SPON1: variants seen among roughly 807,000 people sequenced by gnomAD.
The protein encoded by SPON1 is spondin 1.
In SPON1, 52 loss-of-function variants were observed where a neutral mutation model predicts 111.7. That is an observed-to-expected ratio of 0.47 (90% CI 0.37 to 0.59). The LOEUF (loss-of-function observed/expected upper bound fraction) is 0.59. Among genes scored for constraint, SPON1 ranks in the 20% least tolerant of loss-of-function variants. The pLI is 0.00. For synonymous variants in SPON1, 410 were observed against 395.8 expected (o/e 1.04, Z -0.43); for missense variants, 957 against 1,068.5 (o/e 0.90, Z 1.46).
intron 6 of SPON1, among the ~76,000 whole-genome samples, chr11:14,174,354 A>G (rs1209712711): frequency 1.3e-5 from 2 of 152,234 alleles, no homozygotes; most frequent in Non-Finnish European, 2.9e-5. Context: ...CTAAGAGTCA[A>G]GTATCCCTCC....
At chr11:14,256,724 C>T in intron 10 of SPON1, 32 bp downstream of exon 10, 1 of 1,530,650 alleles carries the variant, frequency 6.5e-7, no homozygotes, top group African/African-American at 1.4e-5. Context: ...CAGGTGGCAA[C>T]ATAAATTGAC....
chr11:14,073,753 A>G (rs1447223259), intron 3 of SPON1, among the ~76,000 whole-genome samples: 1 of 152,168 alleles, frequency 6.6e-6, no homozygotes, highest in Admixed American at 6.5e-5. Context: ...CTATGCTGTA[A>G]ACTTTGAGAA....
At chr11:14,154,740 C>A (rs1489596558) in intron 6 of SPON1, among the ~76,000 whole-genome samples, 1 of 152,182 alleles carries the variant, frequency 6.6e-6, no homozygotes, top group Non-Finnish European at 1.5e-5. Flanking sequence ...CATGGCCAGG[C>A]TGCAAGTTTT....
intron 6 of SPON1, among the ~76,000 whole-genome samples, chr11:14,222,802 A>G (rs181112567): frequency 2.0e-3 from 300 of 152,328 alleles, no homozygotes; most frequent in Non-Finnish European, 2.2e-3. Context: ...GCCAGTTTCC[A>G]TGGTGTAAAT....
chr11:14,113,568 A>ATTTTTT lies in SPON1; in HGVS notation c.677-21805_677-21800dup, dbSNP rs782780924. ...AAGTCACCTCCTATGTACTTTTTAA[A>ATTTTTT]TTTTTTTTTTTTTTTTTTTTTTTTT... On this transcript the variant is annotated intron_variant, in intron 5 of 15. Coordinates refer to ENST00000576479, the MANE Select transcript of SPON1 (RefSeq NM_006108.4). 4.1e-4 allele frequency among the ~76,000 whole-genome samples: 31 copies of ATTTTTT among 74,728 alleles called. 1 individual carries two copies. Among genetic ancestry groups the ATTTTTT allele is most frequent in the South Asian group, 9.1e-4 (2 of 2,190 alleles). The allele number at this position is 74,728 out of a possible 152,430, so 49.0% of individuals were successfully genotyped here.
chr11:14,182,926 C>G (rs1462988263), intron 6 of SPON1, among the ~76,000 whole-genome samples: 1 of 152,142 alleles, frequency 6.6e-6, no homozygotes, highest in Non-Finnish European at 1.5e-5. Flanking sequence ...TGTTGAGAGA[C>G]CAGCAATTAG....
intron 6 of SPON1, among the ~76,000 whole-genome samples, chr11:14,161,239 A>ATATATATCTATATATTTATATATT: frequency 9.6e-6 from 1 of 104,292 alleles, no homozygotes; most frequent in South Asian, 3.0e-4. Flanking sequence ...TTATATATTT[A>ATATATATCTATATATTTATATATT]TATATCTATA....
intron 3 of SPON1, among the ~76,000 whole-genome samples, chr11:14,049,949 T>C (rs1848696113): frequency 6.6e-6 from 1 of 152,150 alleles, no homozygotes; most frequent in South Asian, 2.1e-4. Flanking sequence ...TGGCCTCAGG[T>C]CTATCAGAGA....
chr11:14,057,844 C>CAAAAAAAAAAAAA (rs1277903384), intron 3 of SPON1, among the ~76,000 whole-genome samples: 5 of 125,456 alleles, frequency 4.0e-5, no homozygotes, highest in Non-Finnish European at 5.0e-5. Flanking sequence ...AAAAAAAAAA[C>CAAAAAAAAAAAAA]AAAACAAAAA....
At chr11:14,042,036 C>G (rs537949775) in intron 3 of SPON1, among the ~76,000 whole-genome samples, 21 of 152,140 alleles carry the variant, frequency 1.4e-4, no homozygotes, top group African/African-American at 4.8e-4. Context: ...TAGGCTGCCC[C>G]GAGACCCACA....
Position 14,080,028 on chromosome 11 carries a change from A to G in SPON1, c.676+7A>G. The stretch of plus-strand genomic sequence containing the variant: ...CACCCAAAGGATTACCCTCGTGAGT[A>G]GAGTGGCTACTCTGTGGTTTGGGGA... On this transcript the variant is annotated splice_region_variant and intron_variant, in intron 5 of 15. Coordinates refer to ENST00000576479, the MANE Select transcript of SPON1 (RefSeq NM_006108.4). The G allele has an allele frequency of 6.2e-7, 1 of 1,613,892 alleles. No homozygotes were observed. Among genetic ancestry groups the G allele is most frequent in the Middle Eastern group, 1.6e-4 (1 of 6,062 alleles).
chr11:14,022,092 T>G (rs1848485131), intron 2 of SPON1, among the ~76,000 whole-genome samples: 1 of 152,160 alleles, frequency 6.6e-6, no homozygotes, highest in South Asian at 2.1e-4. Context: ...CCTTACCGTT[T>G]GGAAGAATAA....
chr11:13,972,720 A>G (rs546187443), intron 1 of SPON1, among the ~76,000 whole-genome samples: 1 of 152,294 alleles, frequency 6.6e-6, no homozygotes, highest in East Asian at 1.9e-4. Context: ...AGTTCTGAAT[A>G]CTGTTTCCTG....
intron 2 of SPON1, among the ~76,000 whole-genome samples, chr11:14,009,006 G>A (rs997676647): frequency 3.3e-5 from 5 of 152,070 alleles, no homozygotes; most frequent in South Asian, 2.1e-4. Context: ...ACTCCTGGAC[G>A]ACCATAGTAA....
At chr11:14,143,005 C>A (rs782598077) in intron 6 of SPON1, among the ~76,000 whole-genome samples, 11 of 152,220 alleles carry the variant, frequency 7.2e-5, no homozygotes, top group African/African-American at 1.2e-4. Flanking sequence ...AACAGAGCTG[C>A]TGCCTCTGCT....
intron 6 of SPON1, among the ~76,000 whole-genome samples, chr11:14,233,959 C>T (rs1453716063): frequency 1.3e-5 from 2 of 152,016 alleles, no homozygotes; most frequent in Non-Finnish European, 2.9e-5. Context: ...GGGGTTTCAC[C>T]ATGTTGGCCA....
At chr11:14,241,489 C>G (rs181966298) in intron 6 of SPON1, among the ~76,000 whole-genome samples, 1 of 152,208 alleles carries the variant, frequency 6.6e-6, no homozygotes, top group East Asian at 1.9e-4. Flanking sequence ...GAGGTGAACA[C>G]AGGAATCCTC....
intron 3 of SPON1, among the ~76,000 whole-genome samples, chr11:14,065,919 A>C (rs1848829084): frequency 1.3e-5 from 2 of 152,212 alleles, no homozygotes; most frequent in African/African-American, 2.4e-5. Context: ...TGAATAAGAC[A>C]CTAGTCCCTG....
At chr11:14,217,035 T>C (rs1004632571) in intron 6 of SPON1, among the ~76,000 whole-genome samples, 2 of 152,212 alleles carry the variant, frequency 1.3e-5, no homozygotes, top group African/African-American at 2.4e-5. Context: ...AGGATACTGG[T>C]GAAGCCATTC....
Sources: gnomAD v4.1 joint callset for allele counts (sites outside exome capture counted in the v4.1 genomes callset) on GRCh38, gnomAD v4.1.1 for gene constraint, MANE v1.5 for transcripts, NCBI Gene and HGNC (gene_info 2026-07-23, HGNC 2026-07-21) for gene names.